The following CNEP1R1 variants were observed in gnomAD, a reference collection of about 807,000 sequenced individuals.
CNEP1R1 encodes nuclear envelope phosphatase-regulatory subunit 1.
A neutral mutation model predicts 22.7 loss-of-function variants in CNEP1R1; 10 were observed. The observed-to-expected ratio is 0.44, with a 90% CI of 0.27 to 0.75. The LOEUF (loss-of-function observed/expected upper bound fraction) is 0.75. Among genes scored for constraint, CNEP1R1 ranks in the 30% least tolerant of loss-of-function variants. The pLI is 0.17. For missense variants in CNEP1R1, 73 were observed against 151.5 expected (o/e 0.48, Z 2.72); for synonymous variants, 53 against 50.1 (o/e 1.06, Z -0.25).
intron 2 of CNEP1R1, among the ~76,000 whole-genome samples, chr16:50,028,132 T>A (rs1421705418): frequency 2.0e-5 from 3 of 152,214 alleles, no homozygotes; most frequent in Middle Eastern, 6.8e-3. Flanking sequence ...AATTTTTTTG[T>A]GTATTTTTAG....
At chr16:50,025,635 C>A in intron 1 of CNEP1R1, 4 of 1,612,030 alleles carry the variant, frequency 2.5e-6, no homozygotes, top group Non-Finnish European at 8.5e-7. Flanking sequence ...TAATTCATTT[C>A]ATTTCATTCT....
intron 4 of CNEP1R1, among the ~76,000 whole-genome samples, chr16:50,033,722 G>C (rs1334159657): frequency 4.0e-5 from 6 of 151,584 alleles, no homozygotes; most frequent in Non-Finnish European, 7.4e-5. Context: ...AAATTAGCCA[G>C]GTGTGGTGGT....
In CNEP1R1 at chr16:50,035,463, C is replaced by T. The variant is rs369053494; in HGVS notation, c.*5C>T. 7 of 1,576,258 alleles carry T rather than the reference C, an allele frequency of 4.4e-6. No individual in the cohort carries two copies. In the African/African-American group the frequency reaches 5.4e-5, roughly 12 times the overall value. On this transcript the variant is annotated 3_prime_UTR_variant, in exon 6 of 6. Transcript: ENST00000427478. ...CCTAGGCCTCATGTTCAATGACAATCTTCACTCATTGTTATGGGACTTAAA... is the reference window on the plus strand; with the variant it reads ...CCTAGGCCTCATGTTCAATGACAATTTTCACTCATTGTTATGGGACTTAAA...
intron 2 of CNEP1R1, 69 bp from the exon 3 acceptor site, chr16:50,029,656 A>T (rs2036215295): frequency 1.1e-6 from 1 of 887,932 alleles, no homozygotes; most frequent in Admixed American, 2.1e-5. Context: ...ATTTAGTAGG[A>T]ACTGGTGGTG....
intron 2 of CNEP1R1, among the ~76,000 whole-genome samples, chr16:50,028,657 C>T (rs1372781059): frequency 1.3e-5 from 2 of 152,100 alleles, no homozygotes; most frequent in African/African-American, 2.4e-5. Context: ...GACTCATGGT[C>T]TTAGCACTTA....
intron 2 of CNEP1R1, chr16:50,026,709 T>C: frequency 2.3e-6 from 1 of 443,570 alleles, no homozygotes; most frequent in Non-Finnish European, 4.1e-6. Flanking sequence ...GCGCCGTAGC[T>C]CACGCCTGTA....
chr16:50,026,535 T>G (rs2036185208), intron 2 of CNEP1R1, 68 bp downstream of exon 2: 1 of 1,162,030 alleles, frequency 8.6e-7, no homozygotes, highest in African/African-American at 1.5e-5. Flanking sequence ...ATAGGAATGA[T>G]TTGCTTTTAT....
At position 50,034,111 on chromosome 16, in the gene CNEP1R1, T is replaced by G. The variant is rs1401656291; in HGVS notation, c.291T>G (p.Ala97=). ...GACCACATGTATTCAGTATAGCTGC[T>G]CGATGTCGAACGGTATTAGCAGAAT... ...KRVVAPSIIA[A]RCRTVLAEYN... is the part of the protein sequence containing the mutation. Residue 97 remains alanine, a synonymous_variant, in exon 5 of 6, where the codon GCT becomes GCG. Transcript: ENST00000427478. 1.3e-6 allele frequency: 2 copies of G among 1,595,036 alleles called. No individual in the cohort carries two copies. Among genetic ancestry groups the G allele is most frequent in the Admixed American group, 1.8e-5 (1 of 56,934 alleles).
chr16:50,034,323 G>A (rs2036257948), intron 5 of CNEP1R1, 167 bp downstream of exon 5: 1 of 576,596 alleles, frequency 1.7e-6, no homozygotes, highest in South Asian at 2.0e-5. Flanking sequence ...AACATCTTTG[G>A]CATTGAGATC....
intron 1 of CNEP1R1, 156 bp downstream of exon 1, chr16:50,025,496 GC>G: frequency 9.1e-7 from 1 of 1,096,280 alleles, no homozygotes; most frequent in South Asian, 1.5e-5. Context: ...GCCGTACCTG[GC>G]CAGACGCGGG....
chr16:50,027,983 A>G (rs2036201352), intron 2 of CNEP1R1, among the ~76,000 whole-genome samples: 1 of 152,124 alleles, frequency 6.6e-6, no homozygotes, highest in Non-Finnish European at 1.5e-5. Flanking sequence ...TTGGAAATGG[A>G]GTCTAGCTCT....
At chr16:50,025,917 C>T (rs1210293137) in intron 1 of CNEP1R1, 3 of 556,076 alleles carry the variant, frequency 5.4e-6, no homozygotes, top group South Asian at 2.5e-5. Flanking sequence ...TAAGGCCAGA[C>T]GGCGTAGCCA....
intron 2 of CNEP1R1, 192 bp downstream of exon 2, chr16:50,026,659 T>C (rs1030322499): frequency 3.5e-6 from 2 of 563,572 alleles, no homozygotes; most frequent in East Asian, 2.9e-5. Context: ...TTCGTGTGGT[T>C]GTTTTTGTTT....
Position 50,025,355 on chromosome 16 carries a change from C to T in CNEP1R1, c.25+15C>T, listed in dbSNP as rs1423347902. 5 of 1,435,506 alleles carry T rather than the reference C, an allele frequency of 3.5e-6. No individual in the cohort carries two copies. Among genetic ancestry groups the T allele is most frequent in the East Asian group, 2.6e-5 (1 of 37,976 alleles). The allele number at this position is 1,435,506 out of a possible 1,614,324, so 88.9% of individuals were successfully genotyped here. On this transcript the variant is annotated intron_variant, in intron 1 of 5. Coordinates refer to ENST00000427478, the MANE Select transcript of CNEP1R1 (RefSeq NM_001281789.2). ...GCAGGCGGAAGGTAGGGTGGGCCGC[C>T]CGGGCCCGTCCCCCGTCTCCCCTCG...
At chr16:50,033,267 TTAG>T in intron 3 of CNEP1R1, 127 bp from the exon 4 acceptor site, 1 of 449,584 alleles carries the variant, frequency 2.2e-6, no homozygotes. Context: ...ACTAAGATTA[TTAG>T]AAGTCTTCAA....
chr16:50,033,580 C>T, intron 4 of CNEP1R1, 74 bp downstream of exon 4: 1 of 806,092 alleles, frequency 1.2e-6, no homozygotes, highest in Non-Finnish European at 2.0e-6. Context: ...AAAGCTTACT[C>T]TTGCCGGGCG....
chr16:50,030,072 A>T (rs2036218602), intron 3 of CNEP1R1, among the ~76,000 whole-genome samples: 1 of 151,884 alleles, frequency 6.6e-6, no homozygotes, highest in African/African-American at 2.4e-5. Context: ...TCATTTTTAC[A>T]TTTTTTTTAT....
intron 1 of CNEP1R1, among the ~76,000 whole-genome samples, chr16:50,025,953 C>T (rs905518383): frequency 1.2e-4 from 18 of 152,212 alleles, no homozygotes; most frequent in African/African-American, 3.9e-4. Context: ...AGCTGGAAAC[C>T]GGAGGCGGGT....
In CNEP1R1 at chr16:50,036,565, C is replaced by G. The variant is rs1401130393; in HGVS notation, c.*1107C>G. The G allele has an allele frequency of 6.6e-6, 1 of 152,196 alleles. No homozygotes were observed. Among genetic ancestry groups the G allele is most frequent in the Non-Finnish European group, 1.5e-5 (1 of 68,048 alleles). The allele number at this position is 152,196 out of a possible 1,614,324, so 9.4% of individuals were successfully genotyped here. A position where few individuals can be genotyped will look rare whatever the true frequency, so the allele number is the denominator to read the frequency against. On this transcript the variant is annotated 3_prime_UTR_variant, in exon 6 of 6. Coordinates refer to ENST00000427478, the MANE Select transcript of CNEP1R1 (RefSeq NM_001281789.2). ...TGGATTTTACGCTGTGGTAGACAGG[C>G]TGTGACACTAGTGTTGCACAGGTGT...
Sources: gnomAD v4.1 joint callset for allele counts (sites outside exome capture counted in the v4.1 genomes callset) on GRCh38, gnomAD v4.1.1 for gene constraint, MANE v1.5 for transcripts, NCBI Gene and HGNC (gene_info 2026-07-23, HGNC 2026-07-21) for gene names.